Variants in ZNF415 observed in about 807,000 individuals in gnomAD.
ZNF415 encodes zinc finger protein 415.
A neutral mutation model predicts 7.3 loss-of-function variants in ZNF415; 5 were observed. The observed-to-expected ratio is 0.69, with a 90% CI of 0.36 to 1.44. The LOEUF is 1.44. Ranked by LOEUF, ZNF415 falls within the 40% of genes most tolerant of loss-of-function variation. ZNF415 has a pLI of 0.04. For synonymous variants in ZNF415, 207 were observed against 226.3 expected (o/e 0.91, Z 0.77); for missense variants, 628 against 664.8 (o/e 0.94, Z 0.61).
chr19:53,129,807 G>A, intron 1 of ZNF415: 1 of 389,114 alleles, frequency 2.6e-6, no homozygotes, highest in Admixed American at 4.5e-5. Context: ...GCTCGTGCCT[G>A]TAATCCCAGC....
At chr19:53,129,253 A>G (rs1273652358) in intron 1 of ZNF415, among the ~76,000 whole-genome samples, 1 of 152,146 alleles carries the variant, frequency 6.6e-6, no homozygotes, top group Non-Finnish European at 1.5e-5. Flanking sequence ...GAGGCTGGAC[A>G]CTGGCAGGGG....
At position 53,118,428 on chromosome 19, in the gene ZNF415, G is replaced by A. The variant is rs553754020; in HGVS notation, c.16-1995C>T. ...AACAAAGAAACACTGAATTTAAACT[G>A]CACTTTAGACTAAACAGATCTAAGA... On this transcript the variant is annotated intron_variant, in intron 2 of 3. Coordinates refer to ENST00000243643, the MANE Select transcript of ZNF415 (RefSeq NM_018355.4). Among the ~76,000 whole-genome samples the A allele has an allele frequency of 4.6e-5, 7 of 152,138 alleles. No homozygotes were observed. The East Asian group carries it at 1.3e-3, about 29-fold the overall frequency.
At chr19:53,122,039 G>C (rs1485661886) in intron 2 of ZNF415, among the ~76,000 whole-genome samples, 2 of 151,730 alleles carry the variant, frequency 1.3e-5, no homozygotes, top group East Asian at 4.0e-4. Context: ...CTGAGGTCTG[G>C]AGTTCGAGAC....
At chr19:53,119,947 C>T (rs1171216851) in intron 2 of ZNF415, among the ~76,000 whole-genome samples, 1 of 151,798 alleles carries the variant, frequency 6.6e-6, no homozygotes, top group South Asian at 2.1e-4. Flanking sequence ...GCTTCACTGC[C>T]GAATTCTATC....
At chr19:53,118,108 T>A (rs1197121159) in intron 2 of ZNF415, among the ~76,000 whole-genome samples, 1 of 151,850 alleles carries the variant, frequency 6.6e-6, no homozygotes, top group Non-Finnish European at 1.5e-5. Flanking sequence ...AGTGAAAATA[T>A]GAAAAAAGGT....
intron 2 of ZNF415, among the ~76,000 whole-genome samples, chr19:53,121,697 T>C (rs1298573452): frequency 6.6e-6 from 1 of 151,932 alleles, no homozygotes; most frequent in Non-Finnish European, 1.5e-5. Context: ...GCTGGGATTA[T>C]AGGCCTGAGC....
intron 1 of ZNF415, among the ~76,000 whole-genome samples, chr19:53,124,515 A>G (rs1302596378): frequency 2.0e-5 from 3 of 152,094 alleles, no homozygotes; most frequent in African/African-American, 2.4e-5. Flanking sequence ...CTCCCATGAC[A>G]CTCACCAGGC....
chr19:53,109,384 A>G lies in ZNF415; in HGVS notation c.661T>C (p.Cys221Arg). 6.2e-7 allele frequency: 1 copy of G among 1,614,078 alleles called. No homozygotes were observed. Among genetic ancestry groups the G allele is most frequent in the South Asian group, 1.1e-5 (1 of 91,078 alleles). ...GAGCCATGATTCAAGGCTTTGTCGC[A>G]CTCAATATATCTGTAAGGTTTTTCC... ...IREKPYRYIECDKALNHGSHM... is the reference protein window; with the variant it reads ...IREKPYRYIERDKALNHGSHM... Residue 221 changes from cysteine to arginine, a missense_variant, in exon 4 of 4, where the codon TGC becomes CGC. Cys to Arg is a radical substitution (Grantham distance 180). Transcript: ENST00000243643.
chr19:53,109,123 C>T lies in ZNF415; in HGVS notation c.922G>A (p.Val308Ile). ...GCAAGGCATGAATTTCGACTGAAGA[C>T]CTTGTCACACTCATAACATTTGTAA... is the stretch of plus-strand genomic sequence containing the variant. ...KPYKCYECDKVFSRNSCLALH... is the reference protein window; with the variant it reads ...KPYKCYECDKIFSRNSCLALH... Residue 308 changes from valine (V) to isoleucine (I), a missense_variant, in exon 4 of 4, where the codon GTC becomes ATC. Transcript: ENST00000243643. 1.2e-6 allele frequency: 2 copies of T among 1,614,000 alleles called. No individual in the cohort carries two copies. Among genetic ancestry groups the T allele is most frequent in the Non-Finnish European group, 1.7e-6 (2 of 1,180,012 alleles).
At chr19:53,125,018 T>C (rs1283246082) in intron 1 of ZNF415, among the ~76,000 whole-genome samples, 1 of 150,060 alleles carries the variant, frequency 6.7e-6, no homozygotes. Flanking sequence ...TTGCAAATCA[T>C]CTAGTAACTG....
intron 2 of ZNF415, among the ~76,000 whole-genome samples, chr19:53,120,028 T>C (rs1315062766): frequency 6.6e-6 from 1 of 151,532 alleles, no homozygotes; most frequent in Non-Finnish European, 1.5e-5. Context: ...TCTCCTTAAC[T>C]CATTCTATGA....
intron 2 of ZNF415, among the ~76,000 whole-genome samples, 180 bp from the exon 3 acceptor site, chr19:53,116,613 C>CTT (rs55841712): frequency 4.6e-5 from 2 of 43,498 alleles, no homozygotes; most frequent in Non-Finnish European, 1.0e-4. Context: ...TTTTTTCTCT[C>CTT]TTTTTTTTTT....
chr19:53,131,816 T>C (rs974042175), intron 1 of ZNF415, among the ~76,000 whole-genome samples: 1 of 152,054 alleles, frequency 6.6e-6, no homozygotes, highest in African/African-American at 2.4e-5. Context: ...CCCTGTTAAA[T>C]TCCCTCTTCC....
chr19:53,127,861 G>T (rs1468807258), intron 1 of ZNF415, among the ~76,000 whole-genome samples: 2 of 136,740 alleles, frequency 1.5e-5, no homozygotes, highest in Non-Finnish European at 3.1e-5. Flanking sequence ...TGCCAACAGA[G>T]CGAGACACCG....
rs2085666910 is a variant in ZNF415, at chr19:53,108,199, T to G, written c.*178A>C. The G allele has an allele frequency of 3.2e-6, 2 of 633,642 alleles. No homozygotes were observed. The highest frequency in any genetic ancestry group is 4.4e-5 in the South Asian group (2 of 45,340). The allele number at this position is 633,642 out of a possible 1,614,324, so 39.3% of individuals were successfully genotyped here. A position where few individuals can be genotyped will look rare whatever the true frequency, so the allele number is the denominator to read the frequency against. Reference sequence around the variant, plus strand: ...TGATGTCAATGAATGCTTGAACTTGTGATGAAGGGTTTGCTGTACTCGTAA... The same window carrying G: ...TGATGTCAATGAATGCTTGAACTTGGGATGAAGGGTTTGCTGTACTCGTAA... On this transcript the variant is annotated 3_prime_UTR_variant, in exon 4 of 4. Transcript: ENST00000243643.
intron 3 of ZNF415, among the ~76,000 whole-genome samples, chr19:53,113,443 C>T (rs2086538633): frequency 4.1e-5 from 1 of 24,320 alleles, no homozygotes; most frequent in African/African-American, 1.6e-4. Context: ...GGAGGCGGAG[C>T]TTGCAGTGAG....
chr19:53,125,291 C>T (rs568711594), intron 1 of ZNF415, among the ~76,000 whole-genome samples: 1 of 151,814 alleles, frequency 6.6e-6, no homozygotes, highest in East Asian at 1.9e-4. Context: ...ATCTGCCCGC[C>T]TCAGCCTCCC....
At chr19:53,116,609 C>CTTTTTTTTTTTTT (rs1410295819) in intron 2 of ZNF415, among the ~76,000 whole-genome samples, 176 bp from the exon 3 acceptor site, 7 of 81,114 alleles carry the variant, frequency 8.6e-5, no homozygotes, top group African/African-American at 3.5e-4. Context: ...GGTTTTTTTT[C>CTTTTTTTTTTTTT]TCTCTTTTTT....
chr19:53,109,113 C>T lies in ZNF415; in HGVS notation c.932G>A (p.Arg311Gln), dbSNP rs199811601. ...KCYECDKVFS[R>Q]NSCLALHQKT... ...CTGATGTAGTGCAAGGCATGAATTT[C>T]GACTGAAGACCTTGTCACACTCATA... The change falls in exon 4 of 4, where the codon CGA becomes CAA. Residue 311 changes from arginine to glutamine, a missense_variant. By Grantham distance (43) the Arg-to-Gln change is conservative. Transcript: ENST00000243643. 54 of 1,613,730 alleles carry T rather than the reference C, an allele frequency of 3.3e-5. No homozygotes were observed. The highest frequency in any genetic ancestry group is 5.3e-5 in the African/African-American group (4 of 74,926).
Sources: gnomAD v4.1 joint callset for allele counts (sites outside exome capture counted in the v4.1 genomes callset) on GRCh38, gnomAD v4.1.1 for gene constraint, MANE v1.5 for transcripts, NCBI Gene and HGNC (gene_info 2026-07-23, HGNC 2026-07-21) for gene names.